Variants in DOCK3 observed in about 807,000 individuals in gnomAD.
DOCK3 encodes the protein dedicator of cytokinesis protein 3.
Under a neutral mutation model 265.6 loss-of-function variants are expected in DOCK3, and 60 were observed. The ratio of observed to expected loss-of-function variants is 0.23; its 90% CI spans 0.18 to 0.28. DOCK3 has a LOEUF of 0.28. DOCK3 is among the 10% of genes least tolerant of loss of function. The pLI is 1.00. For missense variants in DOCK3, 1,981 were observed against 2,594.3 expected, an observed-to-expected ratio of 0.76 and a Z score of 5.14; for synonymous variants, 881 against 938.0, an observed-to-expected ratio of 0.94 and a Z score of 1.11.
chr3:51,267,067 A>T (rs976761055), intron 23 of DOCK3, among the ~76,000 whole-genome samples: 4 of 152,222 alleles, frequency 2.6e-5, no homozygotes, highest in African/African-American at 9.7e-5. Flanking sequence ...ATATGAAAAA[A>T]AGCTCATCAT....
At chr3:51,305,312 T>C (rs1286541858) in intron 27 of DOCK3, among the ~76,000 whole-genome samples, 1 of 152,212 alleles carries the variant, frequency 6.6e-6, no homozygotes, top group East Asian at 1.9e-4. Flanking sequence ...AAAAATATCC[T>C]TCTTTGTCTC....
chr3:50,856,450 T>C (rs2046600571), intron 3 of DOCK3, among the ~76,000 whole-genome samples: 1 of 152,208 alleles, frequency 6.6e-6, no homozygotes, highest in African/African-American at 2.4e-5. Flanking sequence ...GTTGGGCTTT[T>C]TTTTTTCATA....
chr3:50,726,585 A>G (rs2037843544), intron 1 of DOCK3, among the ~76,000 whole-genome samples: 1 of 152,196 alleles, frequency 6.6e-6, no homozygotes, highest in Non-Finnish European at 1.5e-5. Context: ...GCCAGTCTGC[A>G]AAGACTAGGA....
intron 13 of DOCK3, among the ~76,000 whole-genome samples, chr3:51,210,005 G>A (rs1017308213): frequency 1.3e-5 from 2 of 152,178 alleles, no homozygotes; most frequent in African/African-American, 4.8e-5. Flanking sequence ...TAAAAATATA[G>A]GAAAGTTACT....
At chr3:51,106,592 G>C (rs2083289975) in intron 9 of DOCK3, among the ~76,000 whole-genome samples, 2 of 152,158 alleles carry the variant, frequency 1.3e-5, no homozygotes, top group Admixed American at 1.3e-4. Flanking sequence ...CCAGTGCCTT[G>C]CCCCTGCACC....
At chr3:50,778,969 T>G (rs1054103809) in intron 2 of DOCK3, among the ~76,000 whole-genome samples, 2 of 152,210 alleles carry the variant, frequency 1.3e-5, no homozygotes, top group Non-Finnish European at 2.9e-5. Flanking sequence ...ATTAGATAAT[T>G]AATTTCTGGC....
rs1187742849 is a variant in DOCK3, at chr3:51,208,024, C to A, written c.1038-750C>A. ...TCCAAATGGTTACGTGGTTGCAGTTCTCCGGGAATTGACCTTTAGAAGGAA... is the reference window on the plus strand; with the variant it reads ...TCCAAATGGTTACGTGGTTGCAGTTATCCGGGAATTGACCTTTAGAAGGAA... On this transcript the variant is annotated intron_variant, in intron 12 of 52. Coordinates refer to ENST00000266037, the MANE Select transcript of DOCK3 (RefSeq NM_004947.5). 3.3e-5 allele frequency among the ~76,000 whole-genome samples: 5 copies of A among 152,156 alleles called. No homozygotes were observed. The East Asian group carries it at 7.7e-4, about 23-fold the overall frequency.
chr3:50,890,212 C>A, intron 4 of DOCK3, 131 bp downstream of exon 4: 1 of 628,010 alleles, frequency 1.6e-6, no homozygotes, highest in Non-Finnish European at 2.5e-6. Flanking sequence ...CATGCTTTAT[C>A]ATGTAATTTT....
intron 49 of DOCK3, among the ~76,000 whole-genome samples, chr3:51,373,642 G>T (rs1039617118): frequency 6.6e-6 from 1 of 152,244 alleles, no homozygotes; most frequent in Admixed American, 6.5e-5. Flanking sequence ...ATGTGGCATG[G>T]TGTGGCCTCC....
chr3:51,228,178 GC>G (rs1202719418), intron 17 of DOCK3, 90 bp downstream of exon 17: 1 of 1,323,860 alleles, frequency 7.6e-7, no homozygotes, highest in Non-Finnish European at 1.1e-6. Flanking sequence ...TTTTCACTGG[GC>G]AGGCCAGAAG....
chr3:50,870,900 C>G (rs184256381), intron 3 of DOCK3, among the ~76,000 whole-genome samples: 39 of 152,006 alleles, frequency 2.6e-4, no homozygotes. Flanking sequence ...AGAAAAACTT[C>G]ACTTTAATTC....
At chr3:51,156,326 CTAGT>C (rs1200568399) in intron 10 of DOCK3, among the ~76,000 whole-genome samples, 2 of 152,106 alleles carry the variant, frequency 1.3e-5, no homozygotes, top group Admixed American at 6.6e-5. Context: ...GAGCAGCTTC[CTAGT>C]TAAGTAGGAT....
chr3:51,255,715 A>T (rs568787134), intron 22 of DOCK3, among the ~76,000 whole-genome samples: 1 of 145,638 alleles, frequency 6.9e-6, no homozygotes, highest in African/African-American at 2.5e-5. Context: ...AGCTCCATCA[A>T]GTCATTTAAG....
At chr3:50,978,760 A>G (rs1258501949) in intron 5 of DOCK3, among the ~76,000 whole-genome samples, 1 of 152,060 alleles carries the variant, frequency 6.6e-6, no homozygotes, top group Non-Finnish European at 1.5e-5. Flanking sequence ...GCCGCCTTGC[A>G]GTTTGATCTG....
intron 26 of DOCK3, 84 bp downstream of exon 26, chr3:51,277,838 C>T: frequency 6.5e-7 from 1 of 1,546,894 alleles, no homozygotes; most frequent in Non-Finnish European, 8.7e-7. Context: ...CTTACCATCC[C>T]ACCACCTTCA....
chr3:50,678,662 G>A (rs1026622493), intron 1 of DOCK3, among the ~76,000 whole-genome samples: 1 of 151,840 alleles, frequency 6.6e-6, no homozygotes, highest in Non-Finnish European at 1.5e-5. Context: ...TTTTTGAGAG[G>A]TGGGGTCCTG....
chr3:50,938,097 CATTAT>C (rs1353249317), intron 5 of DOCK3, among the ~76,000 whole-genome samples: 1 of 151,910 alleles, frequency 6.6e-6, no homozygotes, highest in African/African-American at 2.4e-5. Flanking sequence ...AATAACATGT[CATTAT>C]ATTATGAATA....
intron 41 of DOCK3, 90 bp downstream of exon 41, chr3:51,355,113 C>A: frequency 6.7e-7 from 1 of 1,499,246 alleles, no homozygotes; most frequent in Non-Finnish European, 8.9e-7. Context: ...ACATTGCCAA[C>A]CATACAGGTT....
intron 2 of DOCK3, among the ~76,000 whole-genome samples, chr3:50,830,372 G>A (rs2045067660): frequency 6.6e-6 from 1 of 152,192 alleles, no homozygotes. Flanking sequence ...AAGAGAAATT[G>A]TGCTTATCTT....
Sources: allele counts gnomAD v4.1 joint callset (sites outside exome capture counted in the v4.1 genomes callset), GRCh38; gene constraint gnomAD v4.1.1; transcripts MANE v1.5; gene names NCBI Gene and HGNC (gene_info 2026-07-23, HGNC 2026-07-21).